FIP1L1: variants seen among roughly 807,000 people sequenced by gnomAD.
The protein encoded by FIP1L1 is factor interacting with PAPOLA and CPSF1, also known as pre-mRNA 3'-end-processing factor FIP1.
Under a neutral mutation model 84.6 loss-of-function variants are expected in FIP1L1, and 21 were observed. The observed-to-expected ratio is 0.25, with a 90% CI of 0.18 to 0.36. FIP1L1 has a LOEUF of 0.36. Ranked by LOEUF, FIP1L1 falls within the 10% of genes least tolerant of loss-of-function variation. The pLI is 1.00. For missense variants in FIP1L1, 526 were observed against 751.1 expected (o/e 0.70, Z 3.50); for synonymous variants, 263 against 242.3 (o/e 1.09, Z -0.80).
intron 15 of FIP1L1, among the ~76,000 whole-genome samples, chr4:53,447,237 T>C (rs1314439609): frequency 1.6e-4 from 24 of 152,130 alleles, no homozygotes; most frequent in Admixed American, 1.4e-3. Flanking sequence ...ATGATAGATA[T>C]GTATTTTGCT....
intron 11 of FIP1L1, among the ~76,000 whole-genome samples, chr4:53,419,345 A>G (rs1381710105): frequency 6.6e-6 from 1 of 152,206 alleles, no homozygotes; most frequent in East Asian, 1.9e-4. Flanking sequence ...AGGGGTTTGA[A>G]GTTGGTTATG....
At chr4:53,404,675 T>G (rs1752243201) in intron 10 of FIP1L1, among the ~76,000 whole-genome samples, 1 of 152,100 alleles carries the variant, frequency 6.6e-6, no homozygotes, top group Admixed American at 6.5e-5. Flanking sequence ...CAGCACGTGT[T>G]GTTTCCTGAC....
intron 5 of FIP1L1, among the ~76,000 whole-genome samples, chr4:53,385,879 A>G (rs1032855752): frequency 2.6e-5 from 4 of 152,198 alleles, no homozygotes; most frequent in Admixed American, 6.5e-5. Flanking sequence ...TTTAACCTCT[A>G]TATTTCAAGG....
chr4:53,425,305 G>C (rs1414897937), intron 11 of FIP1L1, among the ~76,000 whole-genome samples: 1 of 152,010 alleles, frequency 6.6e-6, no homozygotes, highest in African/African-American at 2.4e-5. Flanking sequence ...TAAAAAGATT[G>C]TAGAGGTGAG....
chr4:53,392,568 ATTAAAC>A (rs1180956613), intron 9 of FIP1L1, among the ~76,000 whole-genome samples: 1 of 152,252 alleles, frequency 6.6e-6, no homozygotes, highest in Non-Finnish European at 1.5e-5. Context: ...CATTGAATAT[ATTAAAC>A]TTGACTGCAA....
Position 53,391,040 on chromosome 4 carries a change from G to T in FIP1L1, c.537G>T (p.Gly179=). Residue 179 remains glycine, a synonymous_variant, in exon 8 of 18, where the codon GGG becomes GGT. Coordinates refer to ENST00000337488, the MANE Select transcript of FIP1L1 (RefSeq NM_030917.4). ...ATCTTTCTGATTATTTTAATTATGGGTTTAATGAAGATACCTGGAAAGCTT... is the reference window on the plus strand; with the variant it reads ...ATCTTTCTGATTATTTTAATTATGGTTTTAATGAAGATACCTGGAAAGCTT... ...GADLSDYFNY[G]FNEDTWKAYC... The T allele has an allele frequency of 6.2e-7, 1 of 1,608,562 alleles. No individual in the cohort carries two copies. The highest frequency in any genetic ancestry group is 8.5e-7 in the Non-Finnish European group (1 of 1,177,718).
rs1721761323 is a variant in FIP1L1, at chr4:53,460,462, C to G, written c.*1013C>G. 1 of 193,230 alleles carries G rather than the reference C, an allele frequency of 5.2e-6. No homozygotes were observed. Among genetic ancestry groups the G allele is most frequent in the Non-Finnish European group, 1.1e-5 (1 of 93,186 alleles). 12.0% of individuals were successfully genotyped at this position (193,230 alleles called of 1,614,324 possible). On this transcript the variant is annotated 3_prime_UTR_variant, in exon 18 of 18. Coordinates refer to ENST00000337488, the MANE Select transcript of FIP1L1 (RefSeq NM_030917.4). ...ACATACTAAAAGACAACTATAACTTCTGAAAAATATTTATTCTTGTTTGAT... is the reference window on the plus strand; with the variant it reads ...ACATACTAAAAGACAACTATAACTTGTGAAAAATATTTATTCTTGTTTGAT...
At chr4:53,423,432 T>C (rs558866194) in intron 11 of FIP1L1, among the ~76,000 whole-genome samples, 2 of 152,324 alleles carry the variant, frequency 1.3e-5, no homozygotes, top group Non-Finnish European at 2.9e-5. Context: ...CTCTATTAAA[T>C]CTTCTTAAGC....
chr4:53,381,309 C>T (rs1053077910), intron 3 of FIP1L1, among the ~76,000 whole-genome samples: 1 of 152,124 alleles, frequency 6.6e-6, no homozygotes, highest in African/African-American at 2.4e-5. Context: ...AGAATTTGCC[C>T]GTTTCCTACT....
Position 53,460,182 on chromosome 4 carries a change from G to C in FIP1L1, c.*733G>C, listed in dbSNP as rs1406351336. 1.5e-5 allele frequency: 3 copies of C among 197,254 alleles called. No homozygotes were observed. The highest frequency in any genetic ancestry group is 2.3e-5 in the African/African-American group (1 of 43,350). 12.2% of individuals were successfully genotyped at this position (197,254 alleles called of 1,614,324 possible). A position where few individuals can be genotyped will look rare whatever the true frequency, so the allele number is the denominator to read the frequency against. On this transcript the variant is annotated 3_prime_UTR_variant, in exon 18 of 18. Transcript: ENST00000337488. ...AGGGTCAAGCTGGTTTGGCCTTCTT[G>C]ATGCATTTTCCAAGGCCCACTGGTG...
At chr4:53,418,210 C>T (rs1483144887) in intron 11 of FIP1L1, among the ~76,000 whole-genome samples, 1 of 152,074 alleles carries the variant, frequency 6.6e-6, no homozygotes, top group Admixed American at 6.5e-5. Context: ...GATCACTGGA[C>T]AGGTGAGGCT....
chr4:53,415,253 T>A (rs1758979200), intron 11 of FIP1L1, among the ~76,000 whole-genome samples: 1 of 152,170 alleles, frequency 6.6e-6, no homozygotes, highest in South Asian at 2.1e-4. Flanking sequence ...CTCCAGTGAA[T>A]TTTGGTTTGT....
chr4:53,410,971 T>TG (rs34291585), intron 10 of FIP1L1, among the ~76,000 whole-genome samples: 6 of 151,978 alleles, frequency 3.9e-5, no homozygotes, highest in African/African-American at 9.7e-5. Flanking sequence ...AAGAATAAGG[T>TG]GGGGGGGGCT....
intron 9 of FIP1L1, among the ~76,000 whole-genome samples, chr4:53,394,482 A>G (rs1746170304): frequency 6.6e-6 from 1 of 152,178 alleles, no homozygotes; most frequent in Admixed American, 6.5e-5. Flanking sequence ...CAGATAAGGT[A>G]TTCCAGTATT....
chr4:53,404,804 T>C (rs1338113897), intron 10 of FIP1L1, among the ~76,000 whole-genome samples: 1 of 152,150 alleles, frequency 6.6e-6, no homozygotes, highest in Non-Finnish European at 1.5e-5. Context: ...GCTGCATAAA[T>C]GTCTTCTTTT....
intron 8 of FIP1L1, 58 bp downstream of exon 8, chr4:53,391,197 C>T: frequency 4.6e-6 from 7 of 1,521,142 alleles, no homozygotes; most frequent in South Asian, 1.3e-5. Flanking sequence ...CTTTTACTCC[C>T]CAAATAAATC....
chr4:53,383,449 G>C (rs1224285412), intron 4 of FIP1L1, among the ~76,000 whole-genome samples: 1 of 152,132 alleles, frequency 6.6e-6, no homozygotes, highest in African/African-American at 2.4e-5. Context: ...ATCACCTGAG[G>C]TCAGGAGTTC....
At chr4:53,446,911 G>GC (rs1774431192) in intron 15 of FIP1L1, among the ~76,000 whole-genome samples, 1 of 152,052 alleles carries the variant, frequency 6.6e-6, no homozygotes, top group Non-Finnish European at 1.5e-5. Flanking sequence ...ACTCTTTCCT[G>GC]CCCCCAACTC....
intron 4 of FIP1L1, among the ~76,000 whole-genome samples, chr4:53,383,014 TG>T (rs199625920): frequency 2.1e-4 from 32 of 150,450 alleles, no homozygotes; most frequent in East Asian, 3.9e-4. Flanking sequence ...TCTTATGCTT[TG>T]GGGTTTTTTT....
Sources: gnomAD v4.1 joint callset for allele counts (sites outside exome capture counted in the v4.1 genomes callset) on GRCh38, gnomAD v4.1.1 for gene constraint, MANE v1.5 for transcripts, NCBI Gene and HGNC (gene_info 2026-07-23, HGNC 2026-07-21) for gene names.